The following GRM8 variants were observed in gnomAD, a reference collection of about 807,000 sequenced individuals.
GRM8 encodes glutamate metabotropic receptor 8, also known as metabotropic glutamate receptor 8.
A neutral mutation model predicts 87.2 loss-of-function variants in GRM8; 47 were observed. That is an observed-to-expected ratio of 0.54 (90% CI 0.43 to 0.69). The LOEUF (loss-of-function observed/expected upper bound fraction) is 0.69, where lower values mean the gene tolerates loss of function less well. Among genes scored for constraint, GRM8 ranks in the 30% least tolerant of loss-of-function variants. The pLI is 0.00. For synonymous variants in GRM8, 396 were observed against 404.5 expected (o/e 0.98, Z 0.25); for missense variants, 1,019 against 1,139.2 (o/e 0.89, Z 1.52).
At chr7:126,989,070 C>T (rs960769247) in intron 3 of GRM8, among the ~76,000 whole-genome samples, 4 of 152,098 alleles carry the variant, frequency 2.6e-5, no homozygotes, top group Non-Finnish European at 4.4e-5. Flanking sequence ...AAACTATATC[C>T]CATCTGTAAA....
chr7:126,908,618 C>T lies in GRM8; in HGVS notation c.728-3935G>A, dbSNP rs958502210. Among the ~76,000 whole-genome samples, 7 of 152,294 alleles carry T rather than the reference C, an allele frequency of 4.6e-5. 1 individual carries two copies. Among genetic ancestry groups the T allele is most frequent in the African/African-American group, 1.7e-4 (7 of 41,564 alleles). On this transcript the variant is annotated intron_variant, in intron 3 of 10. Transcript: ENST00000339582. Reference sequence around the variant, plus strand: ...TACTGTTTCAGAAGAAGCAAACAAGCAATCCAAACATAGTTTAGTCTGAAT... The same window carrying T: ...TACTGTTTCAGAAGAAGCAAACAAGTAATCCAAACATAGTTTAGTCTGAAT...
intron 2 of GRM8, chr7:127,229,970 C>T (rs1330360984): frequency 6.6e-6 from 1 of 152,048 alleles, no homozygotes; most frequent in Non-Finnish European, 1.5e-5. Context: ...TGAATGATAA[C>T]CGTGTAAACA....
intron 6 of GRM8, among the ~76,000 whole-genome samples, chr7:126,878,507 C>A (rs112339368): frequency 0.022 from 3,064 of 141,524 alleles, 92 homozygotes; most frequent in African/African-American, 0.078. Flanking sequence ...CTTAATATAT[C>A]GTCGTCTTCT....
At chr7:126,667,569 G>A (rs975302271) in intron 7 of GRM8, among the ~76,000 whole-genome samples, 1 of 152,208 alleles carries the variant, frequency 6.6e-6, no homozygotes, top group African/African-American at 2.4e-5. Flanking sequence ...AGAAGGAAAA[G>A]AGAATGAGAA....
At chr7:127,175,529 T>C (rs1397411422) in intron 2 of GRM8, among the ~76,000 whole-genome samples, 1 of 152,162 alleles carries the variant, frequency 6.6e-6, no homozygotes, top group Non-Finnish European at 1.5e-5. Context: ...AAACTACTTG[T>C]AGGCATAGCA....
intron 9 of GRM8, among the ~76,000 whole-genome samples, chr7:126,501,275 G>C (rs2150696323): frequency 6.6e-6 from 1 of 152,128 alleles, no homozygotes; most frequent in Middle Eastern, 3.4e-3. Flanking sequence ...CTTCATTATG[G>C]AGGCACATTG....
intron 6 of GRM8, among the ~76,000 whole-genome samples, chr7:126,823,547 T>C (rs1794495597): frequency 6.6e-6 from 1 of 152,236 alleles, no homozygotes; most frequent in Admixed American, 6.5e-5. Context: ...ACATATGTAA[T>C]TTTAAAATTT....
chr7:126,806,628 A>G (rs927033853), intron 6 of GRM8, among the ~76,000 whole-genome samples: 6 of 152,234 alleles, frequency 3.9e-5, no homozygotes, highest in East Asian at 1.9e-4. Flanking sequence ...ACAATCCTTT[A>G]GCTAAACAGA....
At chr7:126,659,549 C>T (rs1313941937) in intron 7 of GRM8, among the ~76,000 whole-genome samples, 1 of 152,190 alleles carries the variant, frequency 6.6e-6, no homozygotes, top group Non-Finnish European at 1.5e-5. Flanking sequence ...GAACTGATCA[C>T]TGTTAACAAT....
At chr7:126,860,507 A>G (rs1016503156) in intron 6 of GRM8, among the ~76,000 whole-genome samples, 3 of 152,210 alleles carry the variant, frequency 2.0e-5, no homozygotes, top group African/African-American at 4.8e-5. Flanking sequence ...TACTTGCAAT[A>G]TAGATATATT....
rs138855466 is a variant in GRM8 at position 127,231,596 on chromosome 7, G to A, written c.510+11099C>T. On this transcript the variant is annotated intron_variant, in intron 2 of 10. Transcript: ENST00000339582. ...GAAGCCTTTTAGTGCTTTCATTTCTGACATTTGTATCAGAGATGATAGGAA... is the reference window on the plus strand; with the variant it reads ...GAAGCCTTTTAGTGCTTTCATTTCTAACATTTGTATCAGAGATGATAGGAA... Among the ~76,000 whole-genome samples, 4 of 152,218 alleles carry A rather than the reference G, an allele frequency of 2.6e-5. No individual in the cohort carries two copies. The East Asian group carries it at 7.7e-4, about 29-fold the overall frequency.
intron 3 of GRM8, among the ~76,000 whole-genome samples, chr7:126,980,632 T>C (rs1811427160): frequency 6.6e-6 from 1 of 152,236 alleles, no homozygotes; most frequent in African/African-American, 2.4e-5. Context: ...ATTTATATTC[T>C]CAAATAGTAC....
At chr7:126,986,037 G>A (rs1812027333) in intron 3 of GRM8, among the ~76,000 whole-genome samples, 1 of 151,620 alleles carries the variant, frequency 6.6e-6, no homozygotes, top group African/African-American at 2.4e-5. Flanking sequence ...TTTTAGACAG[G>A]GTCTTGTTCT....
At chr7:126,905,572 G>A (rs1802594781) in intron 3 of GRM8, among the ~76,000 whole-genome samples, 1 of 152,032 alleles carries the variant, frequency 6.6e-6, no homozygotes, top group Admixed American at 6.5e-5. Context: ...TTATAGCATT[G>A]CTTCAGTAGG....
chr7:126,904,027 T>C lies in GRM8; in HGVS notation c.963A>G (p.Gln321=). The C allele has an allele frequency of 6.3e-7, 1 of 1,595,162 alleles. No individual in the cohort carries two copies. Among genetic ancestry groups the C allele is most frequent in the Middle Eastern group, 1.7e-4 (1 of 6,004 alleles). The change falls in exon 5 of 11, where the codon CAA becomes CAG. Residue 321 remains glutamine (Q), a synonymous_variant. Coordinates refer to ENST00000339582, the MANE Select transcript of GRM8 (RefSeq NM_000845.3). ...TCACAGCCCCTTCTGCAATCTCCTC[T>C]TGCTGATAGACAGGTGCTATTTTGG... is the stretch of plus-strand genomic sequence containing the variant. ...WGSKIAPVYQ[Q]EEIAEGAVTI...
intron 6 of GRM8, among the ~76,000 whole-genome samples, chr7:126,775,657 T>C (rs113303184): frequency 0.017 from 2,532 of 151,612 alleles, 75 homozygotes; most frequent in African/African-American, 0.058. Flanking sequence ...CAGATGAAAA[T>C]ATGAACCCTG....
Position 127,032,201 on chromosome 7 carries a change from G to C in GRM8, c.727+74295C>G, listed in dbSNP as rs541498629. On this transcript the variant is annotated intron_variant, in intron 3 of 10. Transcript: ENST00000339582. ...TCAGCACTTTTCAAAGCTACAGTTT[G>C]TTCTCTTTGTGAGGCCCAGTGACAC... 8.2e-4 allele frequency among the ~76,000 whole-genome samples: 125 copies of C among 152,148 alleles called. 1 individual carries two copies. The highest frequency in any genetic ancestry group is 7.1e-4 in the Non-Finnish European group (48 of 67,978).
rs564799388 is a variant in GRM8 at position 126,846,708 on chromosome 7, T to C, written c.1156+55834A>G. On this transcript the variant is annotated intron_variant, in intron 6 of 10. Transcript: ENST00000339582. ...AAAAATATAAAAATCCACAAATATGTTATAAAGCAAAAAAAAAGAAGGAAG... is the reference window on the plus strand; with the variant it reads ...AAAAATATAAAAATCCACAAATATGCTATAAAGCAAAAAAAAAGAAGGAAG... Among the ~76,000 whole-genome samples the C allele has an allele frequency of 2.2e-4, 33 of 151,924 alleles. 1 individual carries two copies. The South Asian group carries it at 6.7e-3, about 31-fold the overall frequency.
At chr7:126,848,486 A>G (rs1181928231) in intron 6 of GRM8, among the ~76,000 whole-genome samples, 1 of 152,162 alleles carries the variant, frequency 6.6e-6, no homozygotes, top group African/African-American at 2.4e-5. Flanking sequence ...AATTAGTTTT[A>G]CCTTGTGTCT....
Sources: allele counts gnomAD v4.1 joint callset (sites outside exome capture counted in the v4.1 genomes callset), GRCh38; gene constraint gnomAD v4.1.1; transcripts MANE v1.5; gene names NCBI Gene and HGNC (gene_info 2026-07-23, HGNC 2026-07-21).